Variants in RBPJ observed in about 807,000 individuals in gnomAD.
The protein encoded by RBPJ is recombining binding protein suppressor of hairless.
RBPJ carries 9 observed loss-of-function variants against 67.8 expected under a neutral mutation model. That is an observed-to-expected ratio of 0.13 (90% CI 0.08 to 0.23). The LOEUF is 0.23. Ranked by LOEUF, RBPJ falls within the 10% of genes least tolerant of loss-of-function variation. The pLI, the probability that RBPJ is intolerant of heterozygous loss-of-function variation, is 1.00. For missense variants in RBPJ, 305 were observed against 595.6 expected (o/e 0.51, Z 5.08); for synonymous variants, 198 against 203.3 (o/e 0.97, Z 0.22).
intron 1 of RBPJ, among the ~76,000 whole-genome samples, chr4:26,219,660 C>G (rs1353813517): frequency 6.6e-6 from 1 of 152,154 alleles, no homozygotes; most frequent in Non-Finnish European, 1.5e-5. Context: ...TGTTAAAAAC[C>G]CCTGAGGTAG....
At position 26,424,229 on chromosome 4, in the gene RBPJ, C is replaced by G. The variant is rs16878322; in HGVS notation, c.497-113C>G. The G allele has an allele frequency of 0.082, 81,702 of 999,430 alleles. 4,283 individuals are homozygous for G. The highest frequency in any genetic ancestry group is 0.27 in the East Asian group (10,820 of 40,644). The allele number at this position is 999,430 out of a possible 1,614,324, so 61.9% of individuals were successfully genotyped here. A position where few individuals can be genotyped will look rare whatever the true frequency, so the allele number is the denominator to read the frequency against. ...TTGGAAAGTGAAAATATTTGTCAAA[C>G]TGTTAAATGATAAGAAAGAATAATT... On this transcript the variant is annotated intron_variant, in intron 5 of 10. Coordinates refer to ENST00000355476, the MANE Select transcript of RBPJ (RefSeq NM_015874.6). The surrounding 1 kb of genome is among the most constrained non-coding windows in gnomAD (Gnocchi z 5.3).
chr4:26,233,778 G>A (rs749358558), intron 1 of RBPJ, among the ~76,000 whole-genome samples: 35 of 152,182 alleles, frequency 2.3e-4, no homozygotes, highest in Non-Finnish European at 4.7e-4. Context: ...AAGGAAATTG[G>A]AAAGCAGATC....
the RBPJ span, among the ~76,000 whole-genome samples, chr4:26,122,293 C>T: frequency 2.0e-5 from 3 of 152,022 alleles, no homozygotes; most frequent in African/African-American, 7.3e-5. Context: ...TTGGACTGTC[C>T]AATAATAACA....
At chr4:26,265,764 C>A (rs902556630) in intron 1 of RBPJ, among the ~76,000 whole-genome samples, 2 of 151,984 alleles carry the variant, frequency 1.3e-5, no homozygotes, top group East Asian at 3.9e-4. Flanking sequence ...TCTGGCCAGG[C>A]ACGGTGGCTC....
chr4:26,344,912 C>T (rs1725972287), intron 1 of RBPJ, among the ~76,000 whole-genome samples: 2 of 152,072 alleles, frequency 1.3e-5, no homozygotes, highest in Admixed American at 1.3e-4. Context: ...ATAAGATGTT[C>T]ATATTGAAGA....
At chr4:26,232,877 A>T (rs1363825719) in intron 1 of RBPJ, among the ~76,000 whole-genome samples, 2 of 152,240 alleles carry the variant, frequency 1.3e-5, no homozygotes, top group African/African-American at 4.8e-5. Context: ...CCCTATATGT[A>T]AAGAGAGTGC....
At chr4:26,158,042 A>G in the RBPJ span, among the ~76,000 whole-genome samples, 1 of 152,248 alleles carries the variant, frequency 6.6e-6, no homozygotes, top group African/African-American at 2.4e-5. Context: ...TGAGCAAGTA[A>G]AATGGTTGTT....
Position 26,433,819 on chromosome 4 carries a change from A to G in RBPJ, c.*2812A>G, listed in dbSNP as rs1736442855. 1.3e-5 allele frequency: 2 copies of G among 152,200 alleles called. No homozygotes were observed. Among genetic ancestry groups the G allele is most frequent in the African/African-American group, 4.8e-5 (2 of 41,448 alleles). The allele number at this position is 152,200 out of a possible 1,614,324, so 9.4% of individuals were successfully genotyped here. ...TATAGGAACCTTGTCCTCTGGTTAT[A>G]GTAGACTGTGTGCCCTCCTCCAGTG... On this transcript the variant is annotated 3_prime_UTR_variant, in exon 11 of 11. Transcript: ENST00000355476.
Position 26,430,454 on chromosome 4 carries a change from T to A in RBPJ, c.1080T>A (p.Leu360=). The A allele has an allele frequency of 6.2e-7, 1 of 1,611,750 alleles. No homozygotes were observed. Among genetic ancestry groups the A allele is most frequent in the Non-Finnish European group, 8.5e-7 (1 of 1,179,390 alleles). Residue 360 remains leucine, a synonymous_variant, in exon 10 of 11, where the codon CTT becomes CTA. Coordinates refer to ENST00000355476, the MANE Select transcript of RBPJ (RefSeq NM_015874.6). The surrounding 1 kb of genome is among the most constrained non-coding windows in gnomAD (Gnocchi z 4.1). The part of the protein sequence containing the change: ...NGGGDVAMLE[L]TGQNFTPNLR... Reference sequence around the variant, plus strand: ...GTGGGGACGTAGCAATGCTTGAACTTACAGGACAGAATTTCACTCCAAATT... The same window carrying A: ...GTGGGGACGTAGCAATGCTTGAACTAACAGGACAGAATTTCACTCCAAATT...
rs1295162775 is a variant in RBPJ at position 26,429,888 on chromosome 4, T to C, written c.889-10T>C. The C allele has an allele frequency of 1.9e-6, 3 of 1,611,014 alleles. No individual in the cohort carries two copies. Among genetic ancestry groups the C allele is most frequent in the Non-Finnish European group, 2.5e-6 (3 of 1,179,032 alleles). ...ATAAAACTTAGTTTCTAAACTTCTT[T>C]CTTTATTAGGCCACTCCATGTCCAA... is the stretch of plus-strand genomic sequence containing the variant. On this transcript the variant is annotated splice_polypyrimidine_tract_variant and intron_variant, in intron 8 of 10. Coordinates refer to ENST00000355476, the MANE Select transcript of RBPJ (RefSeq NM_015874.6).
chr4:26,240,167 G>A (rs1396214714), intron 1 of RBPJ, among the ~76,000 whole-genome samples: 1 of 152,080 alleles, frequency 6.6e-6, no homozygotes, highest in Non-Finnish European at 1.5e-5. Flanking sequence ...TATTTTTAGT[G>A]TAACTATACC....
chr4:26,354,568 G>T (rs959105590), intron 1 of RBPJ, among the ~76,000 whole-genome samples: 1 of 149,986 alleles, frequency 6.7e-6, no homozygotes, highest in Non-Finnish European at 1.5e-5. Flanking sequence ...TCCTGCTTCA[G>T]CCTCCCAGGT....
intron 1 of RBPJ, among the ~76,000 whole-genome samples, chr4:26,369,248 T>G (rs1560299884): frequency 6.6e-6 from 1 of 152,224 alleles, no homozygotes; most frequent in Non-Finnish European, 1.5e-5. Context: ...TGAAATGATT[T>G]CAATTTCTAG....
At chr4:26,106,941 A>G in the RBPJ span, among the ~76,000 whole-genome samples, 1 of 152,186 alleles carries the variant, frequency 6.6e-6, no homozygotes, top group Non-Finnish European at 1.5e-5. Context: ...GAAATTTTTT[A>G]TCCAGGAAAT....
At chr4:26,364,588 A>G (rs1037492414) in intron 1 of RBPJ, among the ~76,000 whole-genome samples, 6 of 100,498 alleles carry the variant, frequency 6.0e-5, no homozygotes, top group African/African-American at 2.2e-4. Context: ...GTCCTGTTCT[A>G]TTTGGAAGAC....
rs537288616 is a variant in RBPJ at position 26,170,957 on chromosome 4, A to G, written c.-167+7343A>G. Reference sequence around the variant, plus strand: ...TAAAGGCATTGTACGCAAAGCACCTAGTAAGGTGCCATGTAGCAGAAACTC... The same window carrying G: ...TAAAGGCATTGTACGCAAAGCACCTGGTAAGGTGCCATGTAGCAGAAACTC... On this transcript the variant is annotated intron_variant, in intron 1 of 4. Coordinates refer to the RBPJ transcript ENST00000512351. Among the ~76,000 whole-genome samples the G allele has an allele frequency of 4.6e-5, 7 of 152,302 alleles. No individual in the cohort carries two copies. The South Asian group carries it at 1.5e-3, about 32-fold the overall frequency.
At chr4:26,280,047 A>G (rs1721213494) in intron 1 of RBPJ, among the ~76,000 whole-genome samples, 1 of 150,640 alleles carries the variant, frequency 6.6e-6, no homozygotes, top group Non-Finnish European at 1.5e-5. Flanking sequence ...TTGGCCTCCC[A>G]AAGTGCTGGG....
intron 1 of RBPJ, among the ~76,000 whole-genome samples, chr4:26,212,972 C>G (rs1718483884): frequency 6.6e-6 from 1 of 152,172 alleles, no homozygotes; most frequent in Non-Finnish European, 1.5e-5. Context: ...GGACACATCT[C>G]AACTCCACAG....
At chr4:26,133,441 A>G in the RBPJ span, among the ~76,000 whole-genome samples, 2 of 152,220 alleles carry the variant, frequency 1.3e-5, no homozygotes, top group Non-Finnish European at 2.9e-5. Flanking sequence ...ACTGAGACTC[A>G]GAGTTCAAGG....
Sources: allele counts gnomAD v4.1 joint callset (sites outside exome capture counted in the v4.1 genomes callset), GRCh38; gene constraint gnomAD v4.1.1; non-coding constraint Gnocchi (gnomAD v3.1); transcripts MANE v1.5; gene names NCBI Gene and HGNC (gene_info 2026-07-23, HGNC 2026-07-21).